The following SNX14 variants were observed in gnomAD, a reference collection of about 807,000 sequenced individuals.
The protein encoded by SNX14 is sorting nexin-14.
Under a neutral mutation model 133.8 loss-of-function variants are expected in SNX14, and 93 were observed. That is an observed-to-expected ratio of 0.70 (90% CI 0.59 to 0.83). SNX14 has a LOEUF of 0.83. Ranked by LOEUF, SNX14 falls within the 40% of genes least tolerant of loss-of-function variation. The pLI is 0.00. For missense variants in SNX14, 945 were observed against 1,094.9 expected, an observed-to-expected ratio of 0.86 and a Z score of 1.93; for synonymous variants, 368 against 365.6, an observed-to-expected ratio of 1.01 and a Z score of -0.07.
Position 85,517,981 on chromosome 6 carries a change from T to C in SNX14, c.2148+27A>G, listed in dbSNP as rs769986134. The C allele has an allele frequency of 1.9e-5, 30 of 1,596,748 alleles. No individual in the cohort carries two copies. In the South Asian group the frequency reaches 3.0e-4, roughly 16 times the overall value. ...AAATATGTTTATGATTATCATGTTA[T>C]AGAACACACATAAATCAGTTACTCA... On this transcript the variant is annotated intron_variant, in intron 22 of 28. Transcript: ENST00000314673.
chr6:85,547,678 A>G (rs1316946938), intron 9 of SNX14, 128 bp from the exon 10 acceptor site: 4 of 737,046 alleles, frequency 5.4e-6, no homozygotes, highest in African/African-American at 5.4e-5. Context: ...AGTAGCAAAA[A>G]ATCTGCACAT....
chr6:85,566,760 AGAT>A (rs1316231965), intron 5 of SNX14, among the ~76,000 whole-genome samples: 1 of 152,154 alleles, frequency 6.6e-6, no homozygotes, highest in African/African-American at 2.4e-5. Context: ...AAATCAGGGT[AGAT>A]GTCATTAAAC....
At chr6:85,573,747 T>C (rs1181082879) in intron 2 of SNX14, among the ~76,000 whole-genome samples, 1 of 152,194 alleles carries the variant, frequency 6.6e-6, no homozygotes, top group East Asian at 1.9e-4. Flanking sequence ...CAAGTACTGA[T>C]TACAAGGCTC....
chr6:85,574,258 C>A lies in SNX14; in HGVS notation c.261G>T (p.Lys87Asn). ...TAACAATAAGAACACATAATTTTAC[C>A]TTGGGTTTGTATTTTATTGTGAAGA... ...NIFFTIKYKP[K>N]QLGLQELFPQ... Residue 87 changes from lysine (K) to asparagine (N), a missense_variant and splice_region_variant, in exon 2 of 29, where the codon AAG (lysine) becomes AAT (asparagine). Around this residue, in one of 3 missense-constraint regions of SNX14, gnomAD observed 514 missense variants for 538.8 expected, o/e 0.95. Coordinates refer to ENST00000314673, the MANE Select transcript of SNX14 (RefSeq NM_153816.6). The A allele has an allele frequency of 1.3e-6, 2 of 1,572,422 alleles. No homozygotes were observed. Among genetic ancestry groups the A allele is most frequent in the South Asian group, 1.2e-5 (1 of 83,898 alleles).
At position 85,538,794 on chromosome 6, in the gene SNX14, T is replaced by TA. The variant is rs1448753517; in HGVS notation, c.1475+43dup. 4 of 1,556,334 alleles carry TA rather than the reference T, an allele frequency of 2.6e-6. No homozygotes were observed. The Admixed American group carries it at 5.9e-5, about 23-fold the overall frequency. ...ATTAGGTTGTTCACAATGTACTTTC[T>TA]AAAAACATTTAATACTGAAAAGAAT... On this transcript the variant is annotated intron_variant, in intron 16 of 28. Transcript: ENST00000314673.
rs370973587 is a variant in SNX14, at chr6:85,547,094, T to C, written c.1108+18A>G. The C allele has an allele frequency of 5.1e-6, 8 of 1,578,022 alleles. No homozygotes were observed. Among genetic ancestry groups the C allele is most frequent in the African/African-American group, 1.4e-5 (1 of 72,844 alleles). ...AGGTTTAAAAATTACTTTCGTAAAA[T>C]ACACAGGTAAGCCTCACCCACAGTC... is the stretch of plus-strand genomic sequence containing the variant. On this transcript the variant is annotated intron_variant, in intron 12 of 28. Coordinates refer to ENST00000314673, the MANE Select transcript of SNX14 (RefSeq NM_153816.6).
chr6:85,546,338 T>A (rs1785471831), intron 12 of SNX14, among the ~76,000 whole-genome samples: 1 of 152,212 alleles, frequency 6.6e-6, no homozygotes, highest in Non-Finnish European at 1.5e-5. Flanking sequence ...ATTTTTAAAG[T>A]TATATTTTAA....
At chr6:85,580,152 G>C (rs1798595072) in intron 1 of SNX14, among the ~76,000 whole-genome samples, 1 of 152,138 alleles carries the variant, frequency 6.6e-6, no homozygotes, top group African/African-American at 2.4e-5. Flanking sequence ...TACCATCTCA[G>C]GGACAGGAAG....
At chr6:85,539,815 T>G (rs1783069172) in intron 15 of SNX14, among the ~76,000 whole-genome samples, 1 of 152,012 alleles carries the variant, frequency 6.6e-6, no homozygotes, top group African/African-American at 2.4e-5. Flanking sequence ...TTTTATATTT[T>G]AAAGCCAACA....
chr6:85,512,159 G>A (rs1027981167), intron 26 of SNX14, among the ~76,000 whole-genome samples: 10 of 152,166 alleles, frequency 6.6e-5, no homozygotes, highest in African/African-American at 9.7e-5. Context: ...GGTCAGTCAG[G>A]CTCTGGTCAC....
chr6:85,542,613 C>T (rs1156472480), intron 14 of SNX14, among the ~76,000 whole-genome samples: 4 of 152,138 alleles, frequency 2.6e-5, no homozygotes, highest in South Asian at 2.1e-4. Flanking sequence ...CCGGGACAGT[C>T]TTGATCTCCT....
At chr6:85,592,012 CAAAAATAAAAAT>C (rs899203366) in intron 1 of SNX14, among the ~76,000 whole-genome samples, 1 of 152,096 alleles carries the variant, frequency 6.6e-6, no homozygotes, top group Non-Finnish European at 1.5e-5. Flanking sequence ...GACTCCGTCT[CAAAAATAAAAAT>C]AAAAATAAAA....
chr6:85,557,883 A>C, intron 7 of SNX14, 93 bp downstream of exon 7: 2 of 724,658 alleles, frequency 2.8e-6, no homozygotes, highest in South Asian at 1.6e-5. Context: ...TGAATATGTA[A>C]GTTAATTAAT....
chr6:85,505,666 G>A lies in SNX14; in HGVS notation c.*301C>T, dbSNP rs1007229683. ...AATTATTTTCAAAGCTATACAATAC[G>A]AAGTTTATCAGTCTTATCTGTTTGC... On this transcript the variant is annotated 3_prime_UTR_variant, in exon 29 of 29. Transcript: ENST00000314673. 7 of 316,154 alleles carry A rather than the reference G, an allele frequency of 2.2e-5. No individual in the cohort carries two copies. Among genetic ancestry groups the A allele is most frequent in the East Asian group, 7.9e-5 (1 of 12,698 alleles). 19.6% of individuals were successfully genotyped at this position (316,154 alleles called of 1,614,324 possible).
At chr6:85,558,618 C>A (rs370422823) in intron 6 of SNX14, among the ~76,000 whole-genome samples, 1 of 152,006 alleles carries the variant, frequency 6.6e-6, no homozygotes, top group African/African-American at 2.4e-5. Flanking sequence ...CATGCCACCA[C>A]GCCCAGCTAG....
chr6:85,511,625 A>G (rs1772855920), intron 26 of SNX14, among the ~76,000 whole-genome samples: 1 of 152,154 alleles, frequency 6.6e-6, no homozygotes, highest in Non-Finnish European at 1.5e-5. Flanking sequence ...GATTTTGTCA[A>G]ATGCTTTTTC....
At chr6:85,535,153 C>G (rs982421403) in intron 17 of SNX14, among the ~76,000 whole-genome samples, 3 of 151,322 alleles carry the variant, frequency 2.0e-5, no homozygotes, top group Admixed American at 2.0e-4. Context: ...GTAGCTACGA[C>G]TACAGTTGGG....
chr6:85,539,363 A>C (rs1454030627), intron 15 of SNX14, among the ~76,000 whole-genome samples: 1 of 152,194 alleles, frequency 6.6e-6, no homozygotes, highest in East Asian at 1.9e-4. Flanking sequence ...GTTAGACAGA[A>C]TCATTTATGC....
Position 85,514,512 on chromosome 6 carries a change from A to T in SNX14, c.2386T>A (p.Tyr796Asn), listed in dbSNP as rs760675802. The change falls in exon 24 of 29, where the codon TAT becomes AAT. Residue 796 changes from tyrosine (Y) to asparagine (N), a missense_variant. By Grantham distance (143) the Tyr-to-Asn change is moderately radical (BLOSUM62 -2). Coordinates refer to ENST00000314673, the MANE Select transcript of SNX14 (RefSeq NM_153816.6). ...TVEGVYDYLMYVGRVVFQVPD... is the reference protein window; with the variant it reads ...TVEGVYDYLMNVGRVVFQVPD... ...TAAACCACTTAGATCTTACCTACAT[A>T]CATCAGGTAATCATAGACTCCTTCT... 1 of 1,612,986 alleles carries T rather than the reference A, an allele frequency of 6.2e-7. No individual in the cohort carries two copies. Among genetic ancestry groups the T allele is most frequent in the African/African-American group, 1.3e-5 (1 of 74,906 alleles).
Sources: allele counts gnomAD v4.1 joint callset (sites outside exome capture counted in the v4.1 genomes callset), GRCh38; gene constraint gnomAD v4.1.1; regional missense constraint gnomAD v4.1.1; transcripts MANE v1.5; gene names NCBI Gene and HGNC (gene_info 2026-07-23, HGNC 2026-07-21).